The following ITGA11 variants were observed in gnomAD, a reference collection of about 807,000 sequenced individuals.
ITGA11 encodes the protein integrin subunit alpha 11.
Under a neutral mutation model 141.9 loss-of-function variants are expected in ITGA11, and 97 were observed. That is an observed-to-expected ratio of 0.68 (90% CI 0.58 to 0.81). The LOEUF is 0.81. Ranked by LOEUF, ITGA11 falls within the 30% of genes least tolerant of loss-of-function variation. The probability of loss-of-function intolerance (pLI) is 0.00; values close to 1 mark genes in which losing one functional copy is unlikely to be tolerated. For missense variants in ITGA11, 1,387 were observed against 1,559.2 expected, an observed-to-expected ratio of 0.89 and a Z score of 1.86; for synonymous variants, 658 against 624.6, an observed-to-expected ratio of 1.05 and a Z score of -0.80.
intron 7 of ITGA11, among the ~76,000 whole-genome samples, chr15:68,356,309 G>A (rs1273265459): frequency 6.7e-6 from 1 of 149,298 alleles, no homozygotes. Context: ...TCACCGTGTT[G>A]CCCAGGCTGG....
chr15:68,331,944 A>C lies in ITGA11; in HGVS notation c.1685T>G (p.Val562Gly), dbSNP rs1449250462. 1.2e-6 allele frequency: 2 copies of C among 1,613,358 alleles called. No individual in the cohort carries two copies. The highest frequency in any genetic ancestry group is 1.3e-5 in the African/African-American group (1 of 74,874). The change falls in exon 14 of 30, where the codon GTG becomes GGG. Residue 562 changes from valine to glycine, a missense_variant. Val to Gly is a moderately radical substitution (Grantham distance 109). Transcript: ENST00000315757. ...LNQDSYNDVV[V>G]GAPLEDNHAG... The stretch of plus-strand genomic sequence containing the variant: ...GTGGTTGTCCTCCAGGGGGGCTCCC[A>C]CCACCACGTCATTGTAGGAATCCTG...
chr15:68,401,512 A>G (rs1896509772), intron 2 of ITGA11, among the ~76,000 whole-genome samples: 1 of 152,240 alleles, frequency 6.6e-6, no homozygotes, highest in African/African-American at 2.4e-5. Flanking sequence ...AATACAATGG[A>G]ATACTGCTCA....
intron 1 of ITGA11, among the ~76,000 whole-genome samples, chr15:68,427,197 G>GA (rs1397421317): frequency 6.6e-6 from 1 of 152,166 alleles, no homozygotes; most frequent in Non-Finnish European, 1.5e-5. Flanking sequence ...TGAGATGTGA[G>GA]AAAGTGCTTG....
chr15:68,346,238 T>C (rs1894739121), intron 10 of ITGA11, among the ~76,000 whole-genome samples: 1 of 152,142 alleles, frequency 6.6e-6, no homozygotes, highest in African/African-American at 2.4e-5. Flanking sequence ...GACCGAAGTC[T>C]TGTGCTGAGG....
At chr15:68,318,727 A>AG (rs138197357) in intron 20 of ITGA11, among the ~76,000 whole-genome samples, 1,571 of 149,596 alleles carry the variant, frequency 0.011, 22 homozygotes, top group East Asian at 0.065. Context: ...GTGGCAAGCA[A>AG]GGGGGGGGCA....
At chr15:68,367,126 T>G (rs1895447105) in intron 3 of ITGA11, among the ~76,000 whole-genome samples, 1 of 152,154 alleles carries the variant, frequency 6.6e-6, no homozygotes, top group African/African-American at 2.4e-5. Context: ...CCAACTCACT[T>G]TGCTACCCAC....
intron 10 of ITGA11, among the ~76,000 whole-genome samples, chr15:68,343,301 A>G (rs1894632142): frequency 1.3e-5 from 2 of 152,176 alleles, no homozygotes; most frequent in African/African-American, 4.8e-5. Context: ...GCAGGTGAAC[A>G]ACTGAGAAGA....
At chr15:68,426,100 C>T (rs1039788845) in intron 1 of ITGA11, among the ~76,000 whole-genome samples, 1 of 152,222 alleles carries the variant, frequency 6.6e-6, no homozygotes, top group East Asian at 1.9e-4. Context: ...GGTTGGACTA[C>T]ACCAGGTAGG....
rs996492173 is a variant in ITGA11, at chr15:68,307,092, G to A, written c.3381+256C>T. ...GCAACTAACAGAGGCTGATACCGAGGCATCTCCCATCCTTTGGTCTTCACA... is the reference window on the plus strand; with the variant it reads ...GCAACTAACAGAGGCTGATACCGAGACATCTCCCATCCTTTGGTCTTCACA... On this transcript the variant is annotated intron_variant, in intron 28 of 29. Coordinates refer to ENST00000315757, the MANE Select transcript of ITGA11 (RefSeq NM_001004439.2). This position sits in a 1 kb window ranked among gnomAD's most constrained non-coding sequence, Gnocchi z 6.1. Among the ~76,000 whole-genome samples the A allele has an allele frequency of 2.0e-5, 3 of 152,284 alleles. No individual in the cohort carries two copies. Among genetic ancestry groups the A allele is most frequent in the East Asian group, 3.9e-4 (2 of 5,182 alleles).
At chr15:68,342,224 C>T (rs1414291751) in intron 10 of ITGA11, among the ~76,000 whole-genome samples, 1 of 152,230 alleles carries the variant, frequency 6.6e-6, no homozygotes, top group Non-Finnish European at 1.5e-5. Context: ...GGCAAACAAA[C>T]AGTGGGCATT....
rs1386669968 is a variant in ITGA11 at position 68,373,044 on chromosome 15, ATTTAT to A, written c.165-3765_165-3761del. On this transcript the variant is annotated intron_variant, in intron 2 of 29. Transcript: ENST00000315757. ...AAATATAAACCTAAATAGAACTCAC[ATTTAT>A]TTTATTTCTGTACTGCAGTATACAG... Among the ~76,000 whole-genome samples the A allele has an allele frequency of 7.9e-5, 12 of 152,218 alleles. No individual in the cohort carries two copies. The East Asian group carries it at 1.5e-3, about 20-fold the overall frequency.
intron 2 of ITGA11, among the ~76,000 whole-genome samples, chr15:68,396,949 T>TTTAAA (rs1896266842): frequency 2.3e-5 from 1 of 43,210 alleles, no homozygotes; most frequent in Non-Finnish European, 3.7e-5. Context: ...ATATTATATA[T>TTTAAA]TATTTATTAT....
At chr15:68,331,228 G>C (rs1227998226) in intron 14 of ITGA11, 117 bp from the exon 15 acceptor site, 2 of 933,206 alleles carry the variant, frequency 2.1e-6, no homozygotes, top group Admixed American at 4.7e-5. Context: ...CCACCAAGAA[G>C]CTTCCCCAAC....
chr15:68,409,265 T>C (rs1329273966), intron 1 of ITGA11, among the ~76,000 whole-genome samples: 2 of 152,200 alleles, frequency 1.3e-5, no homozygotes, highest in Non-Finnish European at 2.9e-5. Context: ...CTGCCTTGCA[T>C]AACAGCTGCC....
Position 68,357,267 on chromosome 15 carries a change from C to T in ITGA11, c.633G>A (p.Val211=). 2 of 1,613,762 alleles carry T rather than the reference C, an allele frequency of 1.2e-6. No homozygotes were observed. The highest frequency in any genetic ancestry group is 8.5e-7 in the Non-Finnish European group (1 of 1,179,834). Residue 211 remains valine (V), a synonymous_variant, in exon 7 of 30, where the codon GTG becomes GTA. Coordinates refer to ENST00000315757, the MANE Select transcript of ITGA11 (RefSeq NM_001004439.2). Reference sequence around the variant, plus strand: ...TGTAGTCGTTGAGGTGAAACTCATGCACCACATCTTCGCCATACTGCACAA... The same window carrying T: ...TGTAGTCGTTGAGGTGAAACTCATGTACCACATCTTCGCCATACTGCACAA... ...VGVVQYGEDV[V]HEFHLNDYRS...
At chr15:68,361,898 G>C (rs902939266) in intron 4 of ITGA11, 194 bp from the exon 5 acceptor site, 5 of 513,498 alleles carry the variant, frequency 9.7e-6, no homozygotes, top group Non-Finnish European at 1.7e-5. Context: ...TTTGGTTTCA[G>C]GTCTAATGGA....
chr15:68,332,136 G>T, intron 13 of ITGA11, 74 bp from the exon 14 acceptor site: 1 of 1,350,276 alleles, frequency 7.4e-7, no homozygotes, highest in Non-Finnish European at 1.0e-6. Flanking sequence ...CCCTCTGCAG[G>T]CTGCTCCGGC....
intron 15 of ITGA11, among the ~76,000 whole-genome samples, chr15:68,329,467 C>G (rs1403016037): frequency 6.6e-6 from 1 of 152,218 alleles, no homozygotes; most frequent in Non-Finnish European, 1.5e-5. Context: ...CATAGTCTTC[C>G]CAGAGGGCTC....
At chr15:68,379,510 T>G (rs1895808751) in intron 2 of ITGA11, among the ~76,000 whole-genome samples, 1 of 152,198 alleles carries the variant, frequency 6.6e-6, no homozygotes, top group Non-Finnish European at 1.5e-5. Context: ...AGCTGCTCAT[T>G]TTGCAAAGAC....
Sources: gnomAD v4.1 joint callset for allele counts (sites outside exome capture counted in the v4.1 genomes callset) on GRCh38, gnomAD v4.1.1 for gene constraint, Gnocchi (gnomAD v3.1) non-coding constraint, MANE v1.5 for transcripts, NCBI Gene and HGNC (gene_info 2026-07-23, HGNC 2026-07-21) for gene names.